MALRD1: variants seen among roughly 807,000 people sequenced by gnomAD.
MALRD1 encodes MAM and LDL-receptor class A domain-containing protein 1.
A neutral mutation model predicts 242.1 loss-of-function variants in MALRD1; 247 were observed. The observed-to-expected ratio is 1.02, with a 90% CI of 0.92 to 1.13. The LOEUF (loss-of-function observed/expected upper bound fraction) is 1.13, where lower values mean the gene tolerates loss of function less well. Among genes scored for constraint, MALRD1 ranks in the 50% most tolerant of loss-of-function variants. MALRD1 has a pLI of 0.00. For missense variants in MALRD1, 2,989 were observed against 2,533.1 expected (o/e 1.18, Z -3.86); for synonymous variants, 995 against 866.6 (o/e 1.15, Z -2.60).
chr10:19,139,495 G>C (rs1208746821), intron 10 of MALRD1, among the ~76,000 whole-genome samples: 1 of 152,058 alleles, frequency 6.6e-6, no homozygotes, highest in Non-Finnish European at 1.5e-5. Flanking sequence ...CAGGCAGTTT[G>C]AATAGCACCA....
At chr10:19,564,338 T>A (rs538911203) in intron 32 of MALRD1, among the ~76,000 whole-genome samples, 1 of 152,288 alleles carries the variant, frequency 6.6e-6, no homozygotes, top group East Asian at 1.9e-4. Flanking sequence ...TGACCTGATT[T>A]TGGTCTATCT....
Position 19,367,594 on chromosome 10 carries a change from T to C in MALRD1, c.4441+15297T>C, listed in dbSNP as rs368128629. ...TAGACATAAGAGTGCATATATCTCT[T>C]TGATGTACTAACTATTTTTCCTCCT... On this transcript the variant is annotated intron_variant, in intron 26 of 39. Coordinates refer to ENST00000454679, the MANE Select transcript of MALRD1 (RefSeq NM_001142308.3). 4.3e-4 allele frequency among the ~76,000 whole-genome samples: 65 copies of C among 152,262 alleles called. 1 individual carries two copies. The South Asian group carries it at 6.4e-3, about 15-fold the overall frequency.
At chr10:19,162,851 G>T (rs1447745857) in intron 12 of MALRD1, among the ~76,000 whole-genome samples, 2 of 152,024 alleles carry the variant, frequency 1.3e-5, no homozygotes, top group Admixed American at 1.3e-4. Flanking sequence ...TCTACTATAG[G>T]TCAGGTGCAG....
chr10:19,629,946 A>G (rs1471047378), intron 36 of MALRD1, among the ~76,000 whole-genome samples: 2 of 152,164 alleles, frequency 1.3e-5, no homozygotes, highest in Admixed American at 1.3e-4. Context: ...AATCTAGCAA[A>G]TGAGGTAGAA....
chr10:19,676,345 C>A (rs1000467153), intron 36 of MALRD1, among the ~76,000 whole-genome samples: 4 of 152,146 alleles, frequency 2.6e-5, no homozygotes, highest in Non-Finnish European at 5.9e-5. Context: ...TGCCACATGG[C>A]AGATTCAGGA....
intron 21 of MALRD1, among the ~76,000 whole-genome samples, chr10:19,308,290 G>C (rs900244600): frequency 6.6e-6 from 1 of 151,332 alleles, no homozygotes; most frequent in African/African-American, 2.4e-5. Flanking sequence ...GGTAATTAGG[G>C]TGTTCACCAT....
intron 25 of MALRD1, among the ~76,000 whole-genome samples, chr10:19,350,473 C>T (rs1054869264): frequency 1.3e-5 from 2 of 151,820 alleles, no homozygotes; most frequent in African/African-American, 4.8e-5. Context: ...GACAGGGTTT[C>T]ACCAAGTTGG....
At position 19,277,458 on chromosome 10, in the gene MALRD1, G is replaced by A. The variant is rs151179061; in HGVS notation, c.3080-2589G>A. Among the ~76,000 whole-genome samples the A allele has an allele frequency of 3.9e-3, 592 of 152,204 alleles. 1 individual carries two copies. The Middle Eastern group carries it at 0.041, about 10-fold the overall frequency. ...CTTATTCATTCCTTCCCAGAGGAAGGAAGAGCAACAATGGATTGGTGAGTT... is the reference window on the plus strand; with the variant it reads ...CTTATTCATTCCTTCCCAGAGGAAGAAAGAGCAACAATGGATTGGTGAGTT... On this transcript the variant is annotated intron_variant, in intron 19 of 39. Transcript: ENST00000454679.
At chr10:19,613,163 G>A (rs556596732) in intron 35 of MALRD1, among the ~76,000 whole-genome samples, 2 of 152,004 alleles carry the variant, frequency 1.3e-5, no homozygotes, top group African/African-American at 4.8e-5. Context: ...AAGCAATGAT[G>A]TCAAAATGAC....
intron 18 of MALRD1, among the ~76,000 whole-genome samples, chr10:19,215,684 G>A (rs1837278375): frequency 1.3e-5 from 2 of 151,618 alleles, no homozygotes; most frequent in Non-Finnish European, 2.9e-5. Context: ...CCTTCTTACT[G>A]TCTCAAACTA....
intron 28 of MALRD1, among the ~76,000 whole-genome samples, chr10:19,397,713 G>A (rs576756654): frequency 1.3e-5 from 2 of 151,420 alleles, no homozygotes; most frequent in Admixed American, 6.6e-5. Context: ...CAGTCTGCAA[G>A]GGGACAGTGT....
At chr10:19,140,146 A>G (rs1032757643) in intron 10 of MALRD1, among the ~76,000 whole-genome samples, 1 of 152,132 alleles carries the variant, frequency 6.6e-6, no homozygotes, top group Non-Finnish European at 1.5e-5. Flanking sequence ...TTCCCCATTC[A>G]TTTCCCATAC....
intron 28 of MALRD1, among the ~76,000 whole-genome samples, chr10:19,443,633 G>A (rs1413181700): frequency 2.6e-5 from 4 of 152,202 alleles, no homozygotes; most frequent in African/African-American, 9.7e-5. Context: ...GAGCGGTTTT[G>A]AGTGAGTTTC....
chr10:19,268,881 T>G (rs1201218772), intron 19 of MALRD1, among the ~76,000 whole-genome samples: 7 of 152,194 alleles, frequency 4.6e-5, no homozygotes, highest in Non-Finnish European at 7.4e-5. Flanking sequence ...TGAGTCCATT[T>G]GGAGCCTGAG....
intron 18 of MALRD1, 106 bp downstream of exon 18, chr10:19,209,786 A>C: frequency 8.7e-7 from 1 of 1,155,858 alleles, no homozygotes; most frequent in South Asian, 1.7e-5. Flanking sequence ...AATTTGATCA[A>C]AGTTACATTG....
At chr10:19,148,992 A>G (rs895650367) in intron 11 of MALRD1, among the ~76,000 whole-genome samples, 2 of 151,916 alleles carry the variant, frequency 1.3e-5, no homozygotes, top group Admixed American at 1.3e-4. Flanking sequence ...AATAATTCCG[A>G]TATCTAAGAA....
At chr10:19,327,471 T>TAA (rs368517843) in intron 22 of MALRD1, 92 bp from the exon 23 acceptor site, 324 of 816,040 alleles carry the variant, frequency 4.0e-4, no homozygotes, top group Non-Finnish European at 4.8e-4. Context: ...ATATTGCAAC[T>TAA]AAAAAAAAAA....
chr10:19,240,244 A>G (rs1004441939), intron 18 of MALRD1, among the ~76,000 whole-genome samples: 14 of 151,934 alleles, frequency 9.2e-5, no homozygotes, highest in African/African-American at 2.7e-4. Context: ...CTTGGTAGCT[A>G]TTGTAAATGG....
chr10:19,184,119 C>T (rs1003344654), intron 14 of MALRD1, among the ~76,000 whole-genome samples: 1 of 152,252 alleles, frequency 6.6e-6, no homozygotes, highest in East Asian at 1.9e-4. Flanking sequence ...CTGGACATAG[C>T]GAAATTACAG....
Sources: gnomAD v4.1 joint callset for allele counts (sites outside exome capture counted in the v4.1 genomes callset) on GRCh38, gnomAD v4.1.1 for gene constraint, MANE v1.5 for transcripts, NCBI Gene and HGNC (gene_info 2026-07-23, HGNC 2026-07-21) for gene names.